PARP11: variants seen among roughly 807,000 people sequenced by gnomAD.
PARP11 encodes poly(ADP-ribose) polymerase family member 11, also known as protein mono-ADP-ribosyltransferase PARP11.
A neutral mutation model predicts 42.9 loss-of-function variants in PARP11; 31 were observed. The observed-to-expected ratio is 0.72, with a 90% confidence interval of 0.54 to 0.98. The LOEUF (loss-of-function observed/expected upper bound fraction) is 0.98, where lower values mean the gene tolerates loss of function less well. Among genes scored for constraint, PARP11 ranks in the 50% least tolerant of loss-of-function variants. The probability of loss-of-function intolerance (pLI) is 0.00; values close to 1 mark genes in which losing one functional copy is unlikely to be tolerated. For synonymous variants in PARP11, 137 were observed against 127.3 expected (o/e 1.08, Z -0.51); for missense variants, 365 against 413.1 (o/e 0.88, Z 1.01).
At chr12:3,828,218 A>G (rs778337693) in intron 3 of PARP11, among the ~76,000 whole-genome samples, 6 of 152,216 alleles carry the variant, frequency 3.9e-5, no homozygotes, top group Non-Finnish European at 8.8e-5. Flanking sequence ...CCAGCTACCT[A>G]TGACTTTCTC....
intron 1 of PARP11, chr12:3,839,319 C>T (rs372210257): frequency 2.0e-6 from 3 of 1,525,378 alleles, no homozygotes; most frequent in African/African-American, 1.4e-5. Flanking sequence ...CGGCCGTCGG[C>T]GTCCCCGACG....
rs2138071619 is a variant in PARP11 at position 3,840,726 on chromosome 12, C to G, written c.19-10708G>C. 8 of 1,284,442 alleles carry G rather than the reference C, an allele frequency of 6.2e-6. No individual in the cohort carries two copies. The highest frequency in any genetic ancestry group is 1.8e-4 in the Middle Eastern group (1 of 5,434). 79.6% of individuals were successfully genotyped at this position (1,284,442 alleles called of 1,614,324 possible). A position where few individuals can be genotyped will look rare whatever the true frequency, so the allele number is the denominator to read the frequency against. On this transcript the variant is annotated intron_variant, in intron 1 of 7. Coordinates refer to ENST00000228820, the MANE Select transcript of PARP11 (RefSeq NM_020367.6). This position sits in a 1 kb window ranked among gnomAD's most constrained non-coding sequence, Gnocchi z 4.4. Reference sequence around the variant, plus strand: ...ACAGAAGAACGAAAAGACAAAGACTCTATTCATGGACATAGTTGGATAAAA... The same window carrying G: ...ACAGAAGAACGAAAAGACAAAGACTGTATTCATGGACATAGTTGGATAAAA...
intron 1 of PARP11, chr12:3,839,379 C>G: frequency 5.2e-6 from 8 of 1,551,026 alleles, no homozygotes; most frequent in Non-Finnish European, 6.9e-6. Context: ...CGCCCATGGA[C>G]GCCTATCTGC....
Position 3,828,967 on chromosome 12 carries a change from G to T in PARP11, c.211C>A (p.Pro71Thr), listed in dbSNP as rs1341425830. ...GTAGTAAAAGAAATGGAGCCACAAG[G>T]GTTTGTTTTGAAGCTTTTTTCGATA... Reference protein sequence around the residue: ...EDIEKSFKTNPCGSISFTTSK... With the variant: ...EDIEKSFKTNTCGSISFTTSK... The change falls in exon 3 of 8, where the codon CCT becomes ACT. Residue 71 changes from proline (P) to threonine (T), a missense_variant. By Grantham distance (38) the Pro-to-Thr change is conservative. Transcript: ENST00000228820. The T allele has an allele frequency of 1.2e-6, 2 of 1,613,786 alleles. No homozygotes were observed. The highest frequency in any genetic ancestry group is 1.7e-6 in the Non-Finnish European group (2 of 1,179,822).
intron 2 of PARP11, among the ~76,000 whole-genome samples, chr12:3,829,625 C>G (rs1947596640): frequency 6.6e-6 from 1 of 152,216 alleles, no homozygotes; most frequent in African/African-American, 2.4e-5. Flanking sequence ...CCAAACCAAA[C>G]TTGGAGTTGC....
intron 1 of PARP11, among the ~76,000 whole-genome samples, chr12:3,862,089 C>A (rs899740503): frequency 1.3e-5 from 2 of 151,974 alleles, no homozygotes; most frequent in Non-Finnish European, 2.9e-5. Flanking sequence ...AAAAGATGTT[C>A]AACATGATTA....
chr12:3,850,223 T>C lies in PARP11; in HGVS notation c.19-20205A>G, dbSNP rs975627789. On this transcript the variant is annotated intron_variant, in intron 1 of 7. Transcript: ENST00000228820. ...TTTCTATCAGCTTCCTTAAAAGACATATAATTATGTAAAGTAATAATAAAA... is the reference window on the plus strand; with the variant it reads ...TTTCTATCAGCTTCCTTAAAAGACACATAATTATGTAAAGTAATAATAAAA... 2.8e-4 allele frequency among the ~76,000 whole-genome samples: 42 copies of C among 152,086 alleles called. 1 individual carries two copies. The highest frequency in any genetic ancestry group is 8.0e-4 in the African/African-American group (33 of 41,426).
intron 1 of PARP11, chr12:3,839,920 G>A (rs1947851362): frequency 9.1e-7 from 1 of 1,103,516 alleles, no homozygotes; most frequent in Admixed American, 1.7e-5. Flanking sequence ...TTCAGAGGAT[G>A]ACAGCTGCAA....
At chr12:3,816,177 A>G (rs1947284063) in intron 6 of PARP11, among the ~76,000 whole-genome samples, 1 of 151,416 alleles carries the variant, frequency 6.6e-6, no homozygotes, top group South Asian at 2.1e-4. Context: ...TCCCTTTATA[A>G]AAACAAACGA....
intron 4 of PARP11, among the ~76,000 whole-genome samples, chr12:3,822,368 G>A (rs1481028567): frequency 6.6e-6 from 1 of 151,532 alleles, no homozygotes; most frequent in South Asian, 2.1e-4. Context: ...GGAGGCCGAG[G>A]CGAGCGGATC....
chr12:3,862,628 G>A (rs148338166), intron 1 of PARP11, among the ~76,000 whole-genome samples: 1 of 149,888 alleles, frequency 6.7e-6, no homozygotes, highest in Non-Finnish European at 1.5e-5. Flanking sequence ...TTATAGTATA[G>A]CAAAGTATGG....
At chr12:3,832,502 T>C (rs1018901904) in intron 1 of PARP11, among the ~76,000 whole-genome samples, 2 of 152,218 alleles carry the variant, frequency 1.3e-5, no homozygotes, top group African/African-American at 4.8e-5. Flanking sequence ...TCCTCTCCTA[T>C]GTTGCTAACA....
chr12:3,860,343 C>T (rs565545905), intron 1 of PARP11, among the ~76,000 whole-genome samples: 4 of 152,244 alleles, frequency 2.6e-5, no homozygotes, highest in East Asian at 1.9e-4. Flanking sequence ...AGGAAGGACC[C>T]TAAAAGCAAT....
At chr12:3,837,791 C>G (rs1947798401) in intron 1 of PARP11, among the ~76,000 whole-genome samples, 1 of 151,494 alleles carries the variant, frequency 6.6e-6, no homozygotes, top group South Asian at 2.1e-4. Flanking sequence ...CAAAGAAGAG[C>G]AAAGAGTAGC....
Position 3,873,291 on chromosome 12 carries a change from T to C in PARP11, c.-62A>G. Reference sequence around the variant, plus strand: ...AGGGGCTAGCCGCGGGGCCTGGGTGTTGGATTTTTTTTTTTCCCGCGGGTC... The same window carrying C: ...AGGGGCTAGCCGCGGGGCCTGGGTGCTGGATTTTTTTTTTTCCCGCGGGTC... On this transcript the variant is annotated 5_prime_UTR_variant, in exon 1 of 8. Transcript: ENST00000228820. 2.0e-6 allele frequency: 3 copies of C among 1,512,852 alleles called. No homozygotes were observed. Among genetic ancestry groups the C allele is most frequent in the Non-Finnish European group, 2.7e-6 (3 of 1,118,998 alleles). 93.7% of individuals were successfully genotyped at this position (1,512,852 alleles called of 1,614,324 possible).
At chr12:3,815,503 C>T (rs1947268308) in intron 6 of PARP11, among the ~76,000 whole-genome samples, 2 of 152,230 alleles carry the variant, frequency 1.3e-5, no homozygotes, top group African/African-American at 4.8e-5. Flanking sequence ...TCAACCACTC[C>T]TGACACAGCA....
chr12:3,842,506 C>T, intron 1 of PARP11: 1 of 1,591,428 alleles, frequency 6.3e-7, no homozygotes, highest in African/African-American at 1.3e-5. Flanking sequence ...CCATAGGGGA[C>T]AGCACGCTTG....
At chr12:3,837,733 CATGAGG>C (rs1285512814) in intron 1 of PARP11, among the ~76,000 whole-genome samples, 1 of 149,994 alleles carries the variant, frequency 6.7e-6, no homozygotes. Context: ...TAAAGACACA[CATGAGG>C]ATGAAAGTGA....
At position 3,844,247 on chromosome 12, in the gene PARP11, A is replaced by G. The variant is rs184693206; in HGVS notation, c.19-14229T>C. Among the ~76,000 whole-genome samples the G allele has an allele frequency of 2.4e-3, 370 of 152,356 alleles. 5 individuals are homozygous for G. Among genetic ancestry groups the G allele is most frequent in the African/African-American group, 8.4e-3 (350 of 41,580 alleles). ...TTATTATGATGGTGCTAGGTAAAAA[A>G]TTGTAAAGACTGGGATGGTTGTGTG... On this transcript the variant is annotated intron_variant, in intron 1 of 7. Coordinates refer to ENST00000228820, the MANE Select transcript of PARP11 (RefSeq NM_020367.6).
Sources: gnomAD v4.1 joint callset for allele counts (sites outside exome capture counted in the v4.1 genomes callset) on GRCh38, gnomAD v4.1.1 for gene constraint, Gnocchi (gnomAD v3.1) non-coding constraint, MANE v1.5 for transcripts, NCBI Gene and HGNC (gene_info 2026-07-23, HGNC 2026-07-21) for gene names.